Variants in TP63 observed in about 807,000 individuals in gnomAD.
TP63 encodes the protein tumor protein 63.
A neutral mutation model predicts 82.8 loss-of-function variants in TP63; 17 were observed. That is an observed-to-expected ratio of 0.21 (90% CI 0.14 to 0.31). The LOEUF (loss-of-function observed/expected upper bound fraction) is 0.31, where lower values mean the gene tolerates loss of function less well. Ranked by LOEUF, TP63 falls within the 10% of genes least tolerant of loss-of-function variation. The probability of loss-of-function intolerance (pLI) is 1.00; values close to 1 mark genes in which losing one functional copy is unlikely to be tolerated. For missense variants in TP63, 648 were observed against 895.3 expected, an observed-to-expected ratio of 0.72 and a Z score of 3.52; for synonymous variants, 330 against 321.7, an observed-to-expected ratio of 1.03 and a Z score of -0.28.
At chr3:189,652,498 A>T (rs1712979954) in intron 1 of TP63, among the ~76,000 whole-genome samples, 1 of 147,118 alleles carries the variant, frequency 6.8e-6, no homozygotes, top group Non-Finnish European at 1.5e-5. Flanking sequence ...TTACAGGCTC[A>T]TAGGCAGAAG....
At chr3:189,709,254 T>C (rs1398678701) in intron 1 of TP63, among the ~76,000 whole-genome samples, 1 of 152,216 alleles carries the variant, frequency 6.6e-6, no homozygotes, top group Non-Finnish European at 1.5e-5. Flanking sequence ...AATTTGCTTT[T>C]AGAACAAATT....
At chr3:189,656,610 T>C (rs1713386858) in intron 1 of TP63, among the ~76,000 whole-genome samples, 6 of 152,132 alleles carry the variant, frequency 3.9e-5, no homozygotes, top group African/African-American at 1.4e-4. Context: ...ATATAAGTTG[T>C]CTGTAAAAAA....
intron 1 of TP63, among the ~76,000 whole-genome samples, chr3:189,645,627 G>C (rs542874452): frequency 2.7e-5 from 4 of 148,162 alleles, no homozygotes; most frequent in African/African-American, 7.5e-5. Flanking sequence ...TTTAGCGTTA[G>C]GTATATCTCC....
chr3:189,866,799 T>G lies in TP63; in HGVS notation c.882+2T>G, dbSNP rs778722187. On this transcript the variant is annotated splice_donor_variant, in intron 6 of 13. Transcript: ENST00000264731. LOFTEE classifies it high-confidence loss of function. ...CTGGTACCTTATGAGCCACCCCAGGTAAAAAGCAAAAAACCAAACCAAAAA... is the reference window on the plus strand; with the variant it reads ...CTGGTACCTTATGAGCCACCCCAGGGAAAAAGCAAAAAACCAAACCAAAAA... 6.2e-7 allele frequency: 1 copy of G among 1,613,832 alleles called. No homozygotes were observed. Among genetic ancestry groups the G allele is most frequent in the South Asian group, 1.1e-5 (1 of 91,066 alleles).
the TP63 span, among the ~76,000 whole-genome samples, chr3:189,607,003 A>C: frequency 2.0e-5 from 3 of 152,152 alleles, no homozygotes; most frequent in South Asian, 6.2e-4. Flanking sequence ...GCTTTGATGA[A>C]GTGAGCTGTT....
intron 4 of TP63, among the ~76,000 whole-genome samples, chr3:189,812,843 C>T (rs1347563759): frequency 6.6e-6 from 1 of 152,158 alleles, no homozygotes; most frequent in Non-Finnish European, 1.5e-5. Context: ...TAAAGGTACT[C>T]ATTTGAGAGA....
intron 4 of TP63, among the ~76,000 whole-genome samples, chr3:189,861,246 A>G (rs934343865): frequency 1.3e-5 from 2 of 152,184 alleles, no homozygotes; most frequent in Non-Finnish European, 2.9e-5. Flanking sequence ...GTGAGGACAC[A>G]TGATACTTGA....
chr3:189,887,955 C>T (rs2108858248), intron 11 of TP63, among the ~76,000 whole-genome samples: 1 of 150,376 alleles, frequency 6.6e-6, no homozygotes, highest in East Asian at 2.0e-4. Flanking sequence ...CTCCCAGGTT[C>T]AAGTGATTCT....
At chr3:189,852,762 A>G (rs73199766) in intron 4 of TP63, among the ~76,000 whole-genome samples, 53 of 152,244 alleles carry the variant, frequency 3.5e-4, no homozygotes, top group Non-Finnish European at 6.3e-4. Context: ...ATAGTAGTTA[A>G]CGGTATCTTG....
In TP63 at chr3:189,889,376, A is replaced by G. The variant is rs1720782215; in HGVS notation, c.1544A>G (p.Asp515Gly). The change falls in exon 12 of 14, where the codon GAC becomes GGC. Residue 515 changes from aspartate (D) to glycine (G), a missense_variant. By Grantham distance (94) the Asp-to-Gly change is moderately conservative. Transcript: ENST00000264731. The stretch of plus-strand genomic sequence containing the variant: ...GGCACCCACATGCCAATGGCTGGAG[A>G]CATGAATGGACTCAGCCCCACCCAG... ...MMGTHMPMAG[D>G]MNGLSPTQAL... The G allele has an allele frequency of 6.2e-7, 1 of 1,613,928 alleles. No homozygotes were observed. The highest frequency in any genetic ancestry group is 1.3e-5 in the African/African-American group (1 of 74,864).
At chr3:189,881,543 A>G in intron 10 of TP63, 2 of 983,726 alleles carry the variant, frequency 2.0e-6, no homozygotes, top group Non-Finnish European at 2.4e-6. Context: ...TTTCCACTAA[A>G]TACTAGAATA....
At chr3:189,716,505 C>G (rs1446888019) in intron 1 of TP63, among the ~76,000 whole-genome samples, 1 of 152,192 alleles carries the variant, frequency 6.6e-6, no homozygotes. Context: ...CTTTCTCACT[C>G]AGTCCCAACA....
chr3:189,656,805 G>T (rs1282237560), intron 1 of TP63, among the ~76,000 whole-genome samples: 1 of 152,020 alleles, frequency 6.6e-6, no homozygotes, highest in Non-Finnish European at 1.5e-5. Flanking sequence ...AAATGTGTAT[G>T]CACCTAACAA....
the TP63 span, among the ~76,000 whole-genome samples, chr3:189,622,695 T>C: frequency 6.6e-6 from 1 of 152,162 alleles, no homozygotes; most frequent in Non-Finnish European, 1.5e-5. Context: ...AGTGGATGAA[T>C]TGGGTTTGGG....
At chr3:189,611,600 G>C in the TP63 span, among the ~76,000 whole-genome samples, 1 of 152,100 alleles carries the variant, frequency 6.6e-6, no homozygotes, top group Non-Finnish European at 1.5e-5. Context: ...CTTTTTCTTA[G>C]AGTTGGCTTA....
intron 1 of TP63, among the ~76,000 whole-genome samples, chr3:189,731,345 A>G (rs1014718610): frequency 7.0e-5 from 4 of 56,940 alleles, no homozygotes; most frequent in Non-Finnish European, 1.4e-4. Flanking sequence ...CTTCATCTCA[A>G]AAAAAAAGAA....
chr3:189,623,562 G>A, the TP63 span, among the ~76,000 whole-genome samples: 220 of 152,306 alleles, frequency 1.4e-3, no homozygotes, highest in South Asian at 0.016. Context: ...ATCTATTTGA[G>A]CATAGGAAAT....
chr3:189,666,798 T>C (rs1714426954), intron 1 of TP63, among the ~76,000 whole-genome samples: 1 of 152,024 alleles, frequency 6.6e-6, no homozygotes, highest in African/African-American at 2.4e-5. Flanking sequence ...TCAAGTAACA[T>C]GAAATGAGTA....
chr3:189,713,999 T>C (rs1460668830), intron 1 of TP63, among the ~76,000 whole-genome samples: 4 of 152,224 alleles, frequency 2.6e-5, no homozygotes, highest in African/African-American at 9.6e-5. Context: ...TTTTAATAGT[T>C]TCTGTTGATC....
Sources: gnomAD v4.1 joint callset for allele counts (sites outside exome capture counted in the v4.1 genomes callset) on GRCh38, gnomAD v4.1.1 for gene constraint, MANE v1.5 for transcripts, NCBI Gene and HGNC (gene_info 2026-07-23, HGNC 2026-07-21) for gene names.